Variants in MROH2B observed in about 807,000 individuals in gnomAD.
The protein encoded by MROH2B is maestro heat like repeat family member 2B.
A neutral mutation model predicts 208.6 loss-of-function variants in MROH2B; 177 were observed. The observed-to-expected ratio is 0.85, with a 90% CI of 0.75 to 0.96. MROH2B has a LOEUF of 0.96. Among genes scored for constraint, MROH2B ranks in the 40% least tolerant of loss-of-function variants. MROH2B has a pLI of 0.00. For missense variants in MROH2B, 2,002 were observed against 1,878.7 expected, an observed-to-expected ratio of 1.07 and a Z score of -1.21; for synonymous variants, 728 against 659.0, an observed-to-expected ratio of 1.10 and a Z score of -1.60.
rs773189942 is a variant in MROH2B at position 41,018,764 on chromosome 5, T to C, written c.2600A>G (p.Asp867Gly). 14 of 1,613,832 alleles carry C rather than the reference T, an allele frequency of 8.7e-6. No individual in the cohort carries two copies. The highest frequency in any genetic ancestry group is 1.7e-4 in the Middle Eastern group (1 of 6,060). Residue 867 changes from aspartate to glycine, a missense_variant, in exon 26 of 42, where the codon GAC becomes GGC. By Grantham distance (94) the Asp-to-Gly change is moderately conservative (BLOSUM62 -1). Transcript: ENST00000399564. The part of the protein sequence containing the change: ...HIQFLYERSM[D>G]ALGKLLKTMM... ...GGTCTTCAGAAGTTTTCCTAGGGCG[T>C]CCATGGATCGTTCATAGAGAAACTG...
chr5:41,037,978 ATCAGATAAATT>A (rs1341818082), intron 21 of MROH2B, among the ~76,000 whole-genome samples: 2 of 152,206 alleles, frequency 1.3e-5, no homozygotes, highest in Non-Finnish European at 2.9e-5. Flanking sequence ...AGACAGAATG[ATCAGATAAATT>A]TCAACTCAGT....
intron 21 of MROH2B, among the ~76,000 whole-genome samples, chr5:41,034,303 AT>A (rs1742681364): frequency 6.6e-6 from 1 of 152,130 alleles, no homozygotes; most frequent in Non-Finnish European, 1.5e-5. Flanking sequence ...GAAAATGCAG[AT>A]TTGTTCCAAT....
chr5:41,050,904 C>A, intron 13 of MROH2B, 73 bp downstream of exon 13: 2 of 989,544 alleles, frequency 2.0e-6, no homozygotes, highest in Non-Finnish European at 3.0e-6. Context: ...AAACTCATGT[C>A]TTTATTCTTA....
intron 24 of MROH2B, among the ~76,000 whole-genome samples, chr5:41,024,272 G>T (rs979541838): frequency 6.6e-6 from 1 of 152,194 alleles, no homozygotes; most frequent in African/African-American, 2.4e-5. Context: ...CCACCAGTGT[G>T]CTGTATTCAG....
In MROH2B at chr5:41,033,025, C is replaced by T. The variant is rs1205234491; in HGVS notation, c.2361+16G>A. 6.2e-7 allele frequency: 1 copy of T among 1,612,562 alleles called. No homozygotes were observed. Among genetic ancestry groups the T allele is most frequent in the Non-Finnish European group, 8.5e-7 (1 of 1,179,030 alleles). On this transcript the variant is annotated intron_variant, in intron 23 of 41. Coordinates refer to ENST00000399564, the MANE Select transcript of MROH2B (RefSeq NM_173489.5). ...GAATACTCAGGGCCTTTCTTATTCC[C>T]TCTCTGCACACTCACCAGCATGTAA... is the stretch of plus-strand genomic sequence containing the variant.
rs569738332 is a variant in MROH2B at position 41,009,294 on chromosome 5, C to A, written c.3406G>T (p.Val1136Phe). ...GTCCAACTCACTGAAATTGCCTCAA[C>A]CCTGGCGATGTCATCTTCTAACTCA... ...ETELEDDIAR[V>F]EAISVACAMY... Residue 1136 changes from valine (V) to phenylalanine (F), a missense_variant, in exon 32 of 42, where the codon GTT (valine) becomes TTT (phenylalanine). Coordinates refer to ENST00000399564, the MANE Select transcript of MROH2B (RefSeq NM_173489.5). 1.9e-6 allele frequency: 3 copies of A among 1,613,842 alleles called. No homozygotes were observed. In the East Asian group the frequency reaches 6.7e-5, roughly 36 times the overall value.
In MROH2B at chr5:41,048,462, T is replaced by C. The variant is rs768814531; in HGVS notation, c.1546A>G (p.Ile516Val). The C allele has an allele frequency of 6.2e-7, 1 of 1,607,342 alleles. No homozygotes were observed. The highest frequency in any genetic ancestry group is 1.1e-5 in the South Asian group (1 of 89,658). ...TCCCCTAAACTGGCAGGCATAGATA[T>C]TACCTGAAGGATAGAAGAGAAGGAG... is the stretch of plus-strand genomic sequence containing the variant. ...PQQLLARLLV[I>V]SMPASLGELR... The change falls in exon 16 of 42, where the codon ATA becomes GTA. Residue 516 changes from isoleucine (I) to valine (V), a missense_variant. By Grantham distance (29) the Ile-to-Val change is conservative. Transcript: ENST00000399564.
At chr5:41,046,923 C>T (rs1743139363) in intron 17 of MROH2B, among the ~76,000 whole-genome samples, 1 of 152,040 alleles carries the variant, frequency 6.6e-6, no homozygotes, top group Non-Finnish European at 1.5e-5. Flanking sequence ...TGATGGAAAC[C>T]TTTAAAACAT....
At position 41,004,867 on chromosome 5, in the gene MROH2B, G is replaced by T. The variant is rs1322284138; in HGVS notation, c.3918C>A (p.Ile1306=). 1.9e-6 allele frequency: 3 copies of T among 1,613,878 alleles called. No homozygotes were observed. The highest frequency in any genetic ancestry group is 8.5e-7 in the Non-Finnish European group (1 of 1,179,882). ...AGTCCCAGGCACTTTGATCCATCAA[G>T]ATCAGCACATTTCGCAGATTCCCAT... ...WKHGNLRNVL[I]LMDQSAWDSN... is the part of the protein sequence containing the mutation. Residue 1306 remains isoleucine (I), a synonymous_variant, in exon 36 of 42, where the codon ATC becomes ATA. Transcript: ENST00000399564.
intron 11 of MROH2B, among the ~76,000 whole-genome samples, chr5:41,053,821 A>G (rs325872): frequency 0.85 from 129,723 of 152,146 alleles, 55,501 homozygotes; most frequent in Middle Eastern, 0.89. Context: ...TATTTTAAAC[A>G]TAGTCACTGG....
intron 31 of MROH2B, among the ~76,000 whole-genome samples, chr5:41,009,609 C>T (rs1223608946): frequency 1.3e-5 from 2 of 152,128 alleles, no homozygotes; most frequent in African/African-American, 4.8e-5. Flanking sequence ...TTGTTAAAGT[C>T]CACTAAGATG....
chr5:41,040,492 CATT>C (rs1742909127), intron 19 of MROH2B, among the ~76,000 whole-genome samples: 2 of 152,124 alleles, frequency 1.3e-5, no homozygotes, highest in Non-Finnish European at 2.9e-5. Context: ...TGATTGAAAG[CATT>C]ATGCTTAGGA....
chr5:41,054,744 A>C, intron 11 of MROH2B, 23 bp downstream of exon 11: 3 of 1,549,726 alleles, frequency 1.9e-6, no homozygotes, highest in Non-Finnish European at 2.6e-6. Flanking sequence ...ACCATCGACA[A>C]GAGTTTCTAT....
chr5:41,057,150 T>C lies in MROH2B; in HGVS notation c.878A>G (p.Lys293Arg), dbSNP rs1021503017. ...GCTTGAAGCTTTCATTTCATTTTCC[T>C]TTACTGGAGGCTCTGGAGCTCTGCA... ...QICRAPEPPVKENEMKASSCF... is the reference protein window; with the variant it reads ...QICRAPEPPVRENEMKASSCF... Residue 293 changes from lysine (K) to arginine (R), a missense_variant, in exon 9 of 42, where the codon AAG becomes AGG. Coordinates refer to ENST00000399564, the MANE Select transcript of MROH2B (RefSeq NM_173489.5). 6.2e-7 allele frequency: 1 copy of C among 1,613,976 alleles called. No individual in the cohort carries two copies. Among genetic ancestry groups the C allele is most frequent in the Admixed American group, 1.7e-5 (1 of 60,030 alleles).
rs778067886 is a variant in MROH2B at position 41,052,537 on chromosome 5, A to G, written c.1158T>C (p.Tyr386=). The part of the protein sequence containing the change: ...LLIQTMCEKS[Y]IEAREGWPLI... ...ATGGCCATCCTTCCCGAGCTTCAAT[A>G]TAGGACTTTTCACACATGGTTTGGA... Residue 386 remains tyrosine, a synonymous_variant, in exon 12 of 42, where the codon TAT becomes TAC. Coordinates refer to ENST00000399564, the MANE Select transcript of MROH2B (RefSeq NM_173489.5). 4.3e-5 allele frequency: 70 copies of G among 1,612,664 alleles called. No homozygotes were observed. The highest frequency in any genetic ancestry group is 4.5e-5 in the Non-Finnish European group (53 of 1,179,180).
chr5:41,018,295 G>C, intron 27 of MROH2B, 46 bp downstream of exon 27: 1 of 1,546,356 alleles, frequency 6.5e-7, no homozygotes, highest in Non-Finnish European at 8.8e-7. Context: ...AGAGATCCCT[G>C]CTGTTCACAA....
At chr5:41,055,386 T>C (rs325875) in intron 10 of MROH2B, among the ~76,000 whole-genome samples, 128,124 of 150,270 alleles carry the variant, frequency 0.85, 54,847 homozygotes, top group Middle Eastern at 0.89. Context: ...CGTTAAATTC[T>C]GCTTTTTTGT....
chr5:41,051,021 C>G lies in MROH2B; in HGVS notation c.1300G>C (p.Glu434Gln). The G allele has an allele frequency of 1.3e-6, 2 of 1,563,922 alleles. No individual in the cohort carries two copies. Among genetic ancestry groups the G allele is most frequent in the African/African-American group, 1.4e-5 (1 of 71,338 alleles). Residue 434 changes from glutamate (E) to glutamine (Q), a missense_variant, in exon 13 of 42, where the codon GAG (glutamate) becomes CAG (glutamine). Glu to Gln is a conservative substitution (Grantham distance 29, BLOSUM62 2). Transcript: ENST00000399564. Reference sequence around the variant, plus strand: ...AGTGGGTCCAGGGTTTTTAAGACCTCAAGGCTTGTTTCTCGGACAGATTCC... The same window carrying G: ...AGTGGGTCCAGGGTTTTTAAGACCTGAAGGCTTGTTTCTCGGACAGATTCC... Reference protein sequence around the residue: ...EEESVRETSLEVLKTLDPLVI... With the variant: ...EEESVRETSLQVLKTLDPLVI...
In MROH2B at chr5:41,031,228, A is replaced by G. The variant is rs567002390; in HGVS notation, c.2441+1514T>C. On this transcript the variant is annotated intron_variant, in intron 24 of 41. Transcript: ENST00000399564. Reference sequence around the variant, plus strand: ...CTGTGGCCAAAGGCAAAGGGAAAGCAGGCACCTCTTCACAATGCAGCAGAG... The same window carrying G: ...CTGTGGCCAAAGGCAAAGGGAAAGCGGGCACCTCTTCACAATGCAGCAGAG... Among the ~76,000 whole-genome samples the G allele has an allele frequency of 2.0e-5, 3 of 152,298 alleles. No individual in the cohort carries two copies. In the East Asian group the frequency reaches 5.8e-4, roughly 29 times the overall value.
Sources: allele counts gnomAD v4.1 joint callset (sites outside exome capture counted in the v4.1 genomes callset), GRCh38; gene constraint gnomAD v4.1.1; transcripts MANE v1.5; gene names NCBI Gene and HGNC (gene_info 2026-07-23, HGNC 2026-07-21).